Variants in CCDC102B observed in about 807,000 individuals in gnomAD.
The protein encoded by CCDC102B is coiled-coil domain-containing protein 102B.
In CCDC102B, 75 loss-of-function variants were observed where a neutral mutation model predicts 57.4. The ratio of observed to expected loss-of-function variants is 1.31; its 90% CI spans 1.08 to 1.58. The LOEUF is 1.58. CCDC102B is among the 40% of genes most tolerant of loss of function. CCDC102B has a pLI of 0.00. For synonymous variants in CCDC102B, 206 were observed against 201.9 expected, an observed-to-expected ratio of 1.02 and a Z score of -0.17; for missense variants, 636 against 582.6, an observed-to-expected ratio of 1.09 and a Z score of -0.94.
At chr18:69,038,795 G>A (rs2052359155) in intron 7 of CCDC102B, among the ~76,000 whole-genome samples, 1 of 151,842 alleles carries the variant, frequency 6.6e-6, no homozygotes, top group Non-Finnish European at 1.5e-5. Context: ...AATCATCTTT[G>A]TATTCCTAAC....
downstream of CCDC102B, chr18:69,055,235 CCT>C: frequency 4.9e-6 from 4 of 816,768 alleles, no homozygotes; most frequent in Non-Finnish European, 4.4e-6. Context: ...TCACTTTTTC[CCT>C]GTTTCTCTCC....
At chr18:68,756,587 A>G (rs969361363) in intron 2 of CCDC102B, among the ~76,000 whole-genome samples, 3 of 152,210 alleles carry the variant, frequency 2.0e-5, no homozygotes, top group African/African-American at 7.2e-5. Flanking sequence ...AAAAGGCAAG[A>G]GAAGTCATGC....
At chr18:68,935,041 T>G (rs1409759310) in intron 6 of CCDC102B, among the ~76,000 whole-genome samples, 1 of 151,868 alleles carries the variant, frequency 6.6e-6, no homozygotes, top group Non-Finnish European at 1.5e-5. Context: ...GTGATGTGGG[T>G]GCATGCCCCG....
chr18:68,753,449 T>A (rs185746597), intron 2 of CCDC102B: 3 of 152,232 alleles, frequency 2.0e-5, no homozygotes, highest in African/African-American at 4.8e-5. Context: ...TTATTACAGA[T>A]GGTCTCAACC....
At chr18:68,834,840 T>C (rs11151467) in intron 1 of CCDC102B, among the ~76,000 whole-genome samples, 29,800 of 151,868 alleles carry the variant, frequency 0.2, 2,984 homozygotes, top group Non-Finnish European at 0.23. Context: ...AAGGCTTATT[T>C]TGTAAGTTAG....
At chr18:68,843,961 T>A (rs1034402175) in intron 3 of CCDC102B, among the ~76,000 whole-genome samples, 25 of 108,428 alleles carry the variant, frequency 2.3e-4, no homozygotes, top group South Asian at 1.8e-3. Flanking sequence ...GATGGGGCTA[T>A]CTAAATACTA....
chr18:68,775,268 A>G (rs908071707), intron 2 of CCDC102B, among the ~76,000 whole-genome samples: 6 of 152,012 alleles, frequency 3.9e-5, no homozygotes, highest in African/African-American at 1.4e-4. Flanking sequence ...TTTGTTATAT[A>G]TTTTTTAAAG....
chr18:68,983,178 T>C (rs921793508), intron 6 of CCDC102B, among the ~76,000 whole-genome samples: 1 of 151,874 alleles, frequency 6.6e-6, no homozygotes, highest in African/African-American at 2.4e-5. Flanking sequence ...TTTAGTATCA[T>C]TTATATAATT....
intron 6 of CCDC102B, among the ~76,000 whole-genome samples, chr18:68,952,877 C>A (rs185986673): frequency 6.6e-6 from 1 of 152,218 alleles, no homozygotes; most frequent in East Asian, 1.9e-4. Flanking sequence ...ATCAACAATT[C>A]AGTACTAGAA....
rs1449408735 is a variant in CCDC102B at position 69,010,914 on chromosome 18, T to C, written c.1264-20T>C. On this transcript the variant is annotated intron_variant, in intron 6 of 7. Transcript: ENST00000360242. ...TCAGAATAGACTATAAATAATGTAA[T>C]TTTTGTTTTCCTTTGAAAGGAATTA... The C allele has an allele frequency of 1.9e-6, 3 of 1,546,752 alleles. No individual in the cohort carries two copies. The highest frequency in any genetic ancestry group is 1.9e-5 in the Admixed American group (1 of 51,718).
At chr18:68,908,761 A>C (rs1316961418) in intron 6 of CCDC102B, among the ~76,000 whole-genome samples, 1 of 152,194 alleles carries the variant, frequency 6.6e-6, no homozygotes, top group African/African-American at 2.4e-5. Flanking sequence ...TTTATTAAGA[A>C]TACTGTAGTA....
chr18:68,944,326 T>A (rs998620100), intron 6 of CCDC102B, among the ~76,000 whole-genome samples: 1 of 151,886 alleles, frequency 6.6e-6, no homozygotes, highest in Non-Finnish European at 1.5e-5. Flanking sequence ...GGCATTACAA[T>A]GTCATAGCAC....
chr18:68,844,290 T>A (rs937062897), intron 3 of CCDC102B, among the ~76,000 whole-genome samples: 1 of 151,844 alleles, frequency 6.6e-6, no homozygotes, highest in Non-Finnish European at 1.5e-5. Flanking sequence ...TATGTTTCCA[T>A]TCTATTATAA....
chr18:69,022,843 T>C (rs1293900406), intron 7 of CCDC102B, among the ~76,000 whole-genome samples: 1 of 151,930 alleles, frequency 6.6e-6, no homozygotes, highest in African/African-American at 2.4e-5. Context: ...TGCAGGGAAA[T>C]TTTCACCCAG....
At chr18:68,722,546 A>T (rs572301250) in intron 2 of CCDC102B, among the ~76,000 whole-genome samples, 3 of 152,336 alleles carry the variant, frequency 2.0e-5, no homozygotes, top group African/African-American at 7.2e-5. Flanking sequence ...AGACTTCAAG[A>T]TAATATTATA....
intron 4 of CCDC102B, among the ~76,000 whole-genome samples, chr18:68,870,105 A>T (rs542387068): frequency 1.3e-5 from 2 of 152,308 alleles, no homozygotes; most frequent in South Asian, 2.1e-4. Flanking sequence ...ACAGAAAACC[A>T]AACACCGCTT....
chr18:69,046,837 A>G (rs2052579674), intron 7 of CCDC102B, among the ~76,000 whole-genome samples: 1 of 152,078 alleles, frequency 6.6e-6, no homozygotes, highest in Non-Finnish European at 1.5e-5. Flanking sequence ...TCCCAGCACC[A>G]TTTATTCAAT....
At chr18:68,908,509 A>G (rs914943520) in intron 6 of CCDC102B, 2 of 152,182 alleles carry the variant, frequency 1.3e-5, no homozygotes, top group Non-Finnish European at 2.9e-5. Context: ...CGTCACACCC[A>G]TTATTGATCT....
intron 6 of CCDC102B, among the ~76,000 whole-genome samples, chr18:68,976,355 A>G (rs896146486): frequency 5.3e-5 from 8 of 152,010 alleles, no homozygotes; most frequent in Admixed American, 2.0e-4. Context: ...TCGTGTAGAA[A>G]TTTTGGAAAG....
Sources: allele counts gnomAD v4.1 joint callset (sites outside exome capture counted in the v4.1 genomes callset), GRCh38; gene constraint gnomAD v4.1.1; transcripts MANE v1.5; gene names NCBI Gene and HGNC (gene_info 2026-07-23, HGNC 2026-07-21).